GBE1: variants seen among roughly 807,000 people sequenced by gnomAD.
The protein encoded by GBE1 is 1,4-alpha-glucan branching enzyme 1, also known as 1,4-alpha-glucan-branching enzyme.
Under a neutral mutation model 88.8 loss-of-function variants are expected in GBE1, and 70 were observed. That is an observed-to-expected ratio of 0.79 (90% CI 0.65 to 0.96). The LOEUF (loss-of-function observed/expected upper bound fraction) is 0.96, where lower values mean the gene tolerates loss of function less well. Among genes scored for constraint, GBE1 ranks in the 40% least tolerant of loss-of-function variants. The pLI is 0.00. For missense variants in GBE1, 872 were observed against 871.0 expected, an observed-to-expected ratio of 1.00 and a Z score of -0.01; for synonymous variants, 284 against 300.1, an observed-to-expected ratio of 0.95 and a Z score of 0.56.
chr3:81,496,942 C>G (rs376448620), intron 15 of GBE1, among the ~76,000 whole-genome samples: 1 of 152,162 alleles, frequency 6.6e-6, no homozygotes, highest in Non-Finnish European at 1.5e-5. Context: ...CCTTATCTCA[C>G]GGCTGTGTTG....
At chr3:81,718,921 C>A (rs1209467986) in intron 1 of GBE1, among the ~76,000 whole-genome samples, 1 of 152,012 alleles carries the variant, frequency 6.6e-6, no homozygotes, top group Non-Finnish European at 1.5e-5. Flanking sequence ...AGGAGTTAGC[C>A]ACCGCGCCCT....
At chr3:81,533,460 G>A (rs1576136286) in intron 14 of GBE1, among the ~76,000 whole-genome samples, 2 of 152,184 alleles carry the variant, frequency 1.3e-5, no homozygotes, top group Middle Eastern at 6.8e-3. Context: ...CTGATGTTAT[G>A]TGGAACAGTG....
chr3:81,705,717 C>A (rs1373064960), intron 1 of GBE1, 104 bp from the exon 2 acceptor site: 6 of 639,690 alleles, frequency 9.4e-6, no homozygotes, highest in Non-Finnish European at 1.5e-5. Flanking sequence ...GAAAAAAAGA[C>A]ATTATTAAAG....
intron 7 of GBE1, among the ~76,000 whole-genome samples, chr3:81,622,319 CACTA>C (rs1246521388): frequency 6.6e-6 from 1 of 152,192 alleles, no homozygotes; most frequent in African/African-American, 2.4e-5. Context: ...GCATTTTGAG[CACTA>C]ACTCCTTCTA....
At chr3:81,634,562 G>A (rs925597419) in intron 7 of GBE1, among the ~76,000 whole-genome samples, 13 of 152,052 alleles carry the variant, frequency 8.5e-5, no homozygotes, top group African/African-American at 2.4e-4. Flanking sequence ...CAGTGTTGCC[G>A]CCATGGCAAG....
At chr3:81,723,993 C>T (rs1480943438) in intron 1 of GBE1, among the ~76,000 whole-genome samples, 2 of 152,150 alleles carry the variant, frequency 1.3e-5, no homozygotes, top group Non-Finnish European at 2.9e-5. Flanking sequence ...ATTTCTAATC[C>T]TTGGAAAACA....
intron 1 of GBE1, among the ~76,000 whole-genome samples, chr3:81,745,967 G>A (rs1190046970): frequency 2.0e-5 from 3 of 152,062 alleles, no homozygotes; most frequent in South Asian, 2.1e-4. Flanking sequence ...ATTAATATTG[G>A]AATAAACTAA....
At chr3:81,673,109 C>A (rs1248968934) in intron 2 of GBE1, among the ~76,000 whole-genome samples, 1 of 151,782 alleles carries the variant, frequency 6.6e-6, no homozygotes, top group Non-Finnish European at 1.5e-5. Context: ...CCTATACATG[C>A]TGTGACATTC....
intron 14 of GBE1, among the ~76,000 whole-genome samples, chr3:81,529,567 T>C (rs1702987956): frequency 6.6e-6 from 1 of 151,932 alleles, no homozygotes; most frequent in South Asian, 2.1e-4. Context: ...TTGGAGGATA[T>C]TTTTACTGGA....
intron 7 of GBE1, among the ~76,000 whole-genome samples, chr3:81,617,283 G>A (rs558509365): frequency 5.1e-4 from 77 of 151,968 alleles, no homozygotes; most frequent in African/African-American, 1.7e-3. Flanking sequence ...AATAAGAATG[G>A]TGATAGTGGA....
intron 15 of GBE1, among the ~76,000 whole-genome samples, chr3:81,494,725 A>G (rs541724245): frequency 6.6e-6 from 1 of 152,304 alleles, no homozygotes; most frequent in African/African-American, 2.4e-5. Context: ...ATAGCACAGT[A>G]CAATCCAATT....
At chr3:81,752,627 T>C (rs1706545616) in intron 1 of GBE1, among the ~76,000 whole-genome samples, 1 of 152,186 alleles carries the variant, frequency 6.6e-6, no homozygotes, top group African/African-American at 2.4e-5. Flanking sequence ...AAACTGGCAA[T>C]TTCTTTATCA....
intron 2 of GBE1, among the ~76,000 whole-genome samples, chr3:81,679,569 A>G (rs1705309013): frequency 6.6e-6 from 1 of 152,168 alleles, no homozygotes; most frequent in South Asian, 2.1e-4. Context: ...GCACTCAAAT[A>G]ATTTTCTGTG....
In GBE1 at chr3:81,648,839, TCA is replaced by T. The variant is rs1245136784; in HGVS notation, c.691+15_691+16del. ...CATTAAAATTTTATCTGAATAAAAA[TCA>T]CAGTTATTACTTACCAAGGCCTTTG... On this transcript the variant is annotated intron_variant, in intron 5 of 15. Coordinates refer to ENST00000429644, the MANE Select transcript of GBE1 (RefSeq NM_000158.4). 3.5e-6 allele frequency: 5 copies of T among 1,422,632 alleles called. No homozygotes were observed. The highest frequency in any genetic ancestry group is 3.0e-5 in the African/African-American group (2 of 67,536). The allele number at this position is 1,422,632 out of a possible 1,614,324, so 88.1% of individuals were successfully genotyped here.
intron 10 of GBE1, among the ~76,000 whole-genome samples, chr3:81,583,347 G>A (rs1703759366): frequency 6.6e-6 from 1 of 152,084 alleles, no homozygotes; most frequent in South Asian, 2.1e-4. Flanking sequence ...ATTACTGTAT[G>A]GTTCAGTAAT....
At chr3:81,503,528 A>G (rs1702616616) in intron 14 of GBE1, among the ~76,000 whole-genome samples, 1 of 152,202 alleles carries the variant, frequency 6.6e-6, no homozygotes, top group Non-Finnish European at 1.5e-5. Context: ...GTCCAAGGAT[A>G]GTTAAGTATG....
intron 7 of GBE1, among the ~76,000 whole-genome samples, chr3:81,606,369 A>C (rs894442943): frequency 6.6e-6 from 1 of 152,252 alleles, no homozygotes; most frequent in Non-Finnish European, 1.5e-5. Flanking sequence ...TTGTCATCAA[A>C]GTCCATGCCC....
intron 12 of GBE1, among the ~76,000 whole-genome samples, chr3:81,554,693 A>G (rs945852216): frequency 6.6e-6 from 1 of 152,214 alleles, no homozygotes; most frequent in Admixed American, 6.5e-5. Flanking sequence ...ATGTTTCCTT[A>G]AATACTCAGA....
intron 3 of GBE1, among the ~76,000 whole-genome samples, chr3:81,653,340 A>G (rs943132446): frequency 2.0e-5 from 3 of 152,082 alleles, no homozygotes; most frequent in African/African-American, 7.2e-5. Flanking sequence ...AAGCTAAATT[A>G]AACGGCATGA....
Sources: allele counts gnomAD v4.1 joint callset (sites outside exome capture counted in the v4.1 genomes callset), GRCh38; gene constraint gnomAD v4.1.1; transcripts MANE v1.5; gene names NCBI Gene and HGNC (gene_info 2026-07-23, HGNC 2026-07-21).